The following SLC2A13 variants were observed in gnomAD, a reference collection of about 807,000 sequenced individuals.
SLC2A13 encodes solute carrier family 2 member 13, also known as proton myo-inositol cotransporter.
A neutral mutation model predicts 64.4 loss-of-function variants in SLC2A13; 32 were observed. The observed-to-expected ratio is 0.50, with a 90% CI of 0.37 to 0.67. The LOEUF is 0.67. SLC2A13 is among the 30% of genes least tolerant of loss of function. The pLI is 0.00. For missense variants in SLC2A13, 743 were observed against 829.2 expected (o/e 0.90, Z 1.28); for synonymous variants, 338 against 327.1 (o/e 1.03, Z -0.36).
At chr12:39,821,442 C>T (rs1942507476) in intron 7 of SLC2A13, among the ~76,000 whole-genome samples, 1 of 151,984 alleles carries the variant, frequency 6.6e-6, no homozygotes, top group South Asian at 2.1e-4. Flanking sequence ...TGCCCTTCCA[C>T]AGGAGAATCC....
chr12:39,885,940 T>G (rs1173392045), intron 4 of SLC2A13, among the ~76,000 whole-genome samples: 1 of 152,216 alleles, frequency 6.6e-6, no homozygotes, highest in Non-Finnish European at 1.5e-5. Flanking sequence ...CCAGTTTGTA[T>G]AGATATCACT....
intron 6 of SLC2A13, among the ~76,000 whole-genome samples, chr12:39,846,130 G>A (rs770605431): frequency 6.6e-6 from 1 of 152,194 alleles, no homozygotes; most frequent in East Asian, 1.9e-4. Context: ...ATTCATCTTA[G>A]AATATTCAAC....
intron 1 of SLC2A13, among the ~76,000 whole-genome samples, chr12:40,064,742 A>G (rs954898825): frequency 6.6e-5 from 10 of 152,194 alleles, no homozygotes; most frequent in African/African-American, 2.4e-4. Flanking sequence ...GCTATCACAA[A>G]AGACTAAGTA....
At chr12:40,070,617 C>G (rs990613584) in intron 1 of SLC2A13, among the ~76,000 whole-genome samples, 3 of 152,062 alleles carry the variant, frequency 2.0e-5, no homozygotes, top group African/African-American at 4.8e-5. Context: ...AAATAGAAGG[C>G]CAGAACCTGG....
chr12:39,940,267 C>T (rs1317896165), intron 4 of SLC2A13, among the ~76,000 whole-genome samples: 2 of 152,260 alleles, frequency 1.3e-5, no homozygotes, highest in African/African-American at 2.4e-5. Flanking sequence ...GAGAGTAAAA[C>T]CCCATTCCTG....
At chr12:39,970,860 A>G (rs1946634959) in intron 3 of SLC2A13, among the ~76,000 whole-genome samples, 1 of 152,230 alleles carries the variant, frequency 6.6e-6, no homozygotes, top group Non-Finnish European at 1.5e-5. Flanking sequence ...AAAACTATAT[A>G]GATGCCAGTG....
chr12:39,936,119 A>G (rs7297783), intron 4 of SLC2A13, among the ~76,000 whole-genome samples: 16,198 of 152,264 alleles, frequency 0.11, 913 homozygotes, highest in East Asian at 0.19. Flanking sequence ...TTTGTTGCAG[A>G]AAGTTTAGAG....
intron 3 of SLC2A13, among the ~76,000 whole-genome samples, chr12:39,999,179 C>A (rs925542737): frequency 5.9e-5 from 9 of 152,078 alleles, no homozygotes; most frequent in African/African-American, 2.2e-4. Flanking sequence ...GTTAACTGTA[C>A]AAATTGATTG....
At chr12:39,983,897 T>C (rs1261417237) in intron 3 of SLC2A13, among the ~76,000 whole-genome samples, 3 of 145,988 alleles carry the variant, frequency 2.1e-5, no homozygotes, top group African/African-American at 5.1e-5. Flanking sequence ...TATTGCGGCA[T>C]TATTCACAAT....
intron 1 of SLC2A13, among the ~76,000 whole-genome samples, chr12:40,054,066 G>A (rs1948300075): frequency 6.6e-6 from 1 of 152,122 alleles, no homozygotes; most frequent in Non-Finnish European, 1.5e-5. Flanking sequence ...TTATGTATTT[G>A]TGTAATTCAG....
intron 7 of SLC2A13, among the ~76,000 whole-genome samples, chr12:39,805,786 G>A (rs1054799085): frequency 2.6e-5 from 4 of 152,190 alleles, no homozygotes; most frequent in Non-Finnish European, 4.4e-5. Flanking sequence ...GCAAGTCAGA[G>A]TTGAGGTTTT....
At chr12:40,044,056 T>A (rs539481568) in intron 2 of SLC2A13, among the ~76,000 whole-genome samples, 149 of 152,294 alleles carry the variant, frequency 9.8e-4, no homozygotes, top group Non-Finnish European at 1.9e-3. Context: ...GTTCATAGCA[T>A]CATTATTTAT....
chr12:39,979,718 C>T (rs201121270), intron 3 of SLC2A13, among the ~76,000 whole-genome samples: 1,626 of 87,032 alleles, frequency 0.019, 2 homozygotes, highest in East Asian at 0.045. Context: ...GAAAGTGATG[C>T]GGAGAATGGA....
chr12:39,831,016 C>G (rs1044297041), intron 6 of SLC2A13, among the ~76,000 whole-genome samples: 2 of 152,260 alleles, frequency 1.3e-5, no homozygotes, highest in East Asian at 1.9e-4. Context: ...CCAACTAAAG[C>G]CTACATCATG....
At position 39,943,102 on chromosome 12, in the gene SLC2A13, T is replaced by G. The variant is rs1279877360; in HGVS notation, c.1034+8155A>C. Among the ~76,000 whole-genome samples, 5 of 152,230 alleles carry G rather than the reference T, an allele frequency of 3.3e-5. No homozygotes were observed. In the East Asian group the frequency reaches 9.6e-4, roughly 29 times the overall value. On this transcript the variant is annotated intron_variant, in intron 4 of 9. Coordinates refer to ENST00000280871, the MANE Select transcript of SLC2A13 (RefSeq NM_052885.4). ...GCGGAGACTGTGGAACAGCAAAGAC[T>G]GCTGCCTGTTCCTTCCTCTGGAAGC... is the stretch of plus-strand genomic sequence containing the variant.
chr12:39,845,368 T>C (rs1943279705), intron 6 of SLC2A13, among the ~76,000 whole-genome samples: 1 of 152,156 alleles, frequency 6.6e-6, no homozygotes, highest in African/African-American at 2.4e-5. Context: ...TAACCAAATC[T>C]GTTTTACATT....
chr12:39,957,505 G>T (rs924219307), intron 3 of SLC2A13, among the ~76,000 whole-genome samples: 1 of 152,042 alleles, frequency 6.6e-6, no homozygotes, highest in African/African-American at 2.4e-5. Flanking sequence ...GGTCCCACCT[G>T]CCACTCTATC....
chr12:40,063,366 C>T (rs1253348766), intron 1 of SLC2A13, among the ~76,000 whole-genome samples: 3 of 151,734 alleles, frequency 2.0e-5, no homozygotes, highest in Non-Finnish European at 2.9e-5. Flanking sequence ...CCAATATTTA[C>T]TTGAAATCCA....
intron 7 of SLC2A13, among the ~76,000 whole-genome samples, chr12:39,798,335 A>C (rs1251661373): frequency 4.6e-5 from 7 of 152,210 alleles, no homozygotes; most frequent in Admixed American, 4.6e-4. Flanking sequence ...AGTGAGACAT[A>C]AATGTTCATT....
Sources: gnomAD v4.1 joint callset for allele counts (sites outside exome capture counted in the v4.1 genomes callset) on GRCh38, gnomAD v4.1.1 for gene constraint, MANE v1.5 for transcripts, NCBI Gene and HGNC (gene_info 2026-07-23, HGNC 2026-07-21) for gene names.